CORO2B: variants seen among roughly 807,000 people sequenced by gnomAD.
CORO2B encodes the protein coronin-2B.
A neutral mutation model predicts 58.8 loss-of-function variants in CORO2B; 26 were observed. The observed-to-expected ratio is 0.44, with a 90% CI of 0.32 to 0.61. The LOEUF (loss-of-function observed/expected upper bound fraction) is 0.61, where lower values mean the gene tolerates loss of function less well. Among genes scored for constraint, CORO2B ranks in the 20% least tolerant of loss-of-function variants. The pLI is 0.04. For synonymous variants in CORO2B, 242 were observed against 253.8 expected, an observed-to-expected ratio of 0.95 and a Z score of 0.44; for missense variants, 460 against 645.1, an observed-to-expected ratio of 0.71 and a Z score of 3.11.
At chr15:68,575,444 T>TCTC (rs79066541), upstream of CORO2B, among the ~76,000 whole-genome samples, 138,387 of 150,716 alleles carry the variant, frequency 0.92, 63,807 homozygotes, top group East Asian at 1. Context: ...TTCAAGCAAT[T>TCTC]CTGCCTCAGC....
intron 1 of CORO2B, among the ~76,000 whole-genome samples, chr15:68,633,556 G>A (rs1900927078): frequency 1.1e-5 from 1 of 88,988 alleles, no homozygotes; most frequent in African/African-American, 4.3e-5. Context: ...CTCACTCCTT[G>A]GGGACAGCAC....
intron 1 of CORO2B, 139 bp downstream of exon 1, chr15:68,579,416 C>G (rs1039523749): frequency 4.8e-5 from 42 of 873,448 alleles, no homozygotes; most frequent in Non-Finnish European, 5.2e-5. Flanking sequence ...CTCTTGCTGC[C>G]GGATCCGCTC....
the CORO2B span, among the ~76,000 whole-genome samples, chr15:68,570,424 T>C: frequency 6.6e-6 from 1 of 152,204 alleles, no homozygotes; most frequent in Middle Eastern, 3.2e-3. Context: ...CCCCATAGAA[T>C]GAGTTAGGGG....
At chr15:68,715,074 G>T in intron 7 of CORO2B, 141 bp from the exon 8 acceptor site, 1 of 763,070 alleles carries the variant, frequency 1.3e-6, no homozygotes, top group African/African-American at 1.7e-5. Flanking sequence ...CCCACTAGGA[G>T]CCTAGAAGCC....
chr15:68,644,291 G>A (rs1454148486), intron 1 of CORO2B, among the ~76,000 whole-genome samples: 3 of 152,184 alleles, frequency 2.0e-5, no homozygotes, highest in Non-Finnish European at 4.4e-5. Context: ...AGTTGTGATG[G>A]AAAAGTACTG....
In CORO2B at chr15:68,645,350, C is replaced by G. The variant is rs1901389883; in HGVS notation, c.206C>G (p.Pro69Arg). The change falls in exon 2 of 12, where the codon CCC becomes CGC. Residue 69 changes from proline to arginine, a missense_variant. Pro to Arg is a moderately radical substitution (Grantham distance 103). Around this residue, in one of 2 missense-constraint regions of CORO2B, gnomAD observed 352 missense variants for 543.0 expected, o/e 0.65. Coordinates refer to ENST00000261861, the MANE Select transcript of CORO2B (RefSeq NM_006091.5). The surrounding 1 kb of genome is among the most constrained non-coding windows in gnomAD (Gnocchi z 4.5). ...SAGGGSFLVI[P>R]LEQTGRIEPN... ...GGGGGCGGCTCCTTCCTCGTCATCC[C>G]CCTGGAGCAGGTAGGTGGCCCCTAC... 6.2e-7 allele frequency: 1 copy of G among 1,611,054 alleles called. No homozygotes were observed. The highest frequency in any genetic ancestry group is 8.5e-7 in the Non-Finnish European group (1 of 1,179,966).
intron 2 of CORO2B, among the ~76,000 whole-genome samples, chr15:68,651,207 A>T (rs1404460100): frequency 6.6e-6 from 1 of 152,196 alleles, no homozygotes; most frequent in East Asian, 1.9e-4. Context: ...GGGATGACTT[A>T]GGTATTGGAG....
In CORO2B at chr15:68,705,829, C is replaced by A. The variant is rs1892771274; in HGVS notation, c.334-4903C>A. Among the ~76,000 whole-genome samples, 7 of 152,146 alleles carry A rather than the reference C, an allele frequency of 4.6e-5. No individual in the cohort carries two copies. In the South Asian group the frequency reaches 1.5e-3, roughly 32 times the overall value. On this transcript the variant is annotated intron_variant, in intron 3 of 11. Transcript: ENST00000261861. The stretch of plus-strand genomic sequence containing the variant: ...GAGCTCTGCACCCAGTTTACTTGAA[C>A]CCACACACCTCTAACAGGTACAGTC...
chr15:68,645,113 A>G lies in CORO2B; in HGVS notation c.16-47A>G. ...CCCAAGAGCCCAGCCGAGGCCCTTCATGGCACAGGGCCCAGCCTGACCCTT... is the reference window on the plus strand; with the variant it reads ...CCCAAGAGCCCAGCCGAGGCCCTTCGTGGCACAGGGCCCAGCCTGACCCTT... On this transcript the variant is annotated intron_variant, in intron 1 of 11. Coordinates refer to ENST00000261861, the MANE Select transcript of CORO2B (RefSeq NM_006091.5). This position sits in a 1 kb window ranked among gnomAD's most constrained non-coding sequence, Gnocchi z 4.5. The G allele has an allele frequency of 2.5e-6, 4 of 1,589,628 alleles. No homozygotes were observed. In the South Asian group the frequency reaches 4.5e-5, roughly 18 times the overall value.
chr15:68,538,241 G>A, the CORO2B span, among the ~76,000 whole-genome samples: 106 of 152,216 alleles, frequency 7.0e-4, no homozygotes, highest in Non-Finnish European at 1.3e-3. Context: ...GATTCCTGGT[G>A]TGTGTGGAGG....
intron 1 of CORO2B, among the ~76,000 whole-genome samples, chr15:68,627,685 G>C (rs1900721768): frequency 6.6e-6 from 1 of 152,090 alleles, no homozygotes. Context: ...GCAGGAAATG[G>C]CTTCTGCCCT....
the CORO2B span, among the ~76,000 whole-genome samples, chr15:68,529,535 T>C: frequency 1.3e-5 from 2 of 152,270 alleles, no homozygotes; most frequent in Non-Finnish European, 2.9e-5. Context: ...TATATTCCCT[T>C]ACTGTGTTGT....
intron 11 of CORO2B, among the ~76,000 whole-genome samples, chr15:68,724,509 T>C (rs1893245189): frequency 6.6e-6 from 1 of 152,220 alleles, no homozygotes; most frequent in Non-Finnish European, 1.5e-5. Flanking sequence ...TTTAAGAGTT[T>C]TGACAAACAC....
At chr15:68,632,727 A>ACT (rs1900880730) in intron 1 of CORO2B, among the ~76,000 whole-genome samples, 2 of 152,082 alleles carry the variant, frequency 1.3e-5, no homozygotes, top group African/African-American at 4.8e-5. Flanking sequence ...AGTAGCTGGG[A>ACT]CTATAGGTGC....
At chr15:68,647,139 T>A (rs28650434) in intron 2 of CORO2B, among the ~76,000 whole-genome samples, 10,806 of 152,156 alleles carry the variant, frequency 0.071, 1,191 homozygotes, top group African/African-American at 0.23. Context: ...AAAAGCTACA[T>A]GTGTATTAGA....
At chr15:68,526,492 G>A in the CORO2B span, among the ~76,000 whole-genome samples, 5 of 152,274 alleles carry the variant, frequency 3.3e-5, no homozygotes, top group East Asian at 9.6e-4. Flanking sequence ...TTTCCAGGAT[G>A]ACTAATGATG....
At chr15:68,634,559 GC>G (rs1900967179) in intron 1 of CORO2B, among the ~76,000 whole-genome samples, 1 of 152,190 alleles carries the variant, frequency 6.6e-6, no homozygotes, top group African/African-American at 2.4e-5. Flanking sequence ...GTTTCAGAGG[GC>G]CCAGTGCTCC....
chr15:68,694,592 T>C (rs994916755), intron 2 of CORO2B, among the ~76,000 whole-genome samples: 3 of 152,124 alleles, frequency 2.0e-5, no homozygotes, highest in African/African-American at 4.8e-5. Context: ...TAAGAGTATA[T>C]AGGTGGACCC....
chr15:68,552,114 C>T, the CORO2B span, among the ~76,000 whole-genome samples: 2 of 152,204 alleles, frequency 1.3e-5, no homozygotes, highest in East Asian at 3.8e-4. Flanking sequence ...GGGGAAGCTG[C>T]TTGCTCAAAA....
Sources: allele counts gnomAD v4.1 joint callset (sites outside exome capture counted in the v4.1 genomes callset), GRCh38; gene constraint gnomAD v4.1.1; regional missense constraint gnomAD v4.1.1; non-coding constraint Gnocchi (gnomAD v3.1); transcripts MANE v1.5; gene names NCBI Gene and HGNC (gene_info 2026-07-23, HGNC 2026-07-21).